SLC9A5: variants seen among roughly 807,000 people sequenced by gnomAD.
SLC9A5 encodes the protein solute carrier family 9 member A5.
A neutral mutation model predicts 91.7 loss-of-function variants in SLC9A5; 52 were observed. That is an observed-to-expected ratio of 0.57 (90% CI 0.45 to 0.71). The LOEUF (loss-of-function observed/expected upper bound fraction) is 0.71. SLC9A5 is among the 30% of genes least tolerant of loss of function. The probability of loss-of-function intolerance (pLI) is 0.00; values close to 1 mark genes in which losing one functional copy is unlikely to be tolerated. For synonymous variants in SLC9A5, 419 were observed against 474.5 expected, an observed-to-expected ratio of 0.88 and a Z score of 1.52; for missense variants, 871 against 1,158.9, an observed-to-expected ratio of 0.75 and a Z score of 3.61.
chr16:67,259,090 C>G (rs1397387454), intron 10 of SLC9A5, among the ~76,000 whole-genome samples: 1 of 151,910 alleles, frequency 6.6e-6, no homozygotes, highest in Non-Finnish European at 1.5e-5. Context: ...GAAACCCCGT[C>G]TCTACTAAAA....
At chr16:67,251,762 C>T (rs538377786) in intron 1 of SLC9A5, among the ~76,000 whole-genome samples, 1 of 152,068 alleles carries the variant, frequency 6.6e-6, no homozygotes, top group Non-Finnish European at 1.5e-5. Context: ...AGATCATTAT[C>T]GTTTTTACTC....
At chr16:67,267,732 G>A (rs1204019805) in intron 15 of SLC9A5, among the ~76,000 whole-genome samples, 2 of 152,278 alleles carry the variant, frequency 1.3e-5, no homozygotes, top group Admixed American at 1.3e-4. Flanking sequence ...TATGTATAGA[G>A]ACCTAATTCA....
Position 67,271,144 on chromosome 16 carries a change from C to A in SLC9A5, c.2625C>A (p.Thr875=). The A allele has an allele frequency of 6.2e-7, 1 of 1,613,460 alleles. No individual in the cohort carries two copies. The change falls in exon 16 of 16, where the codon ACC becomes ACA. Residue 875 remains threonine, a synonymous_variant. Coordinates refer to ENST00000299798, the MANE Select transcript of SLC9A5 (RefSeq NM_004594.3). ...CCCTCATGGGCCACAAGGACCACAC[C>A]CATCTCAGCCCAGGCACCGCTACCT... ...LQPLMGHKDH[T]HLSPGTATSH...
At chr16:67,261,591 T>G (rs1312631143) in intron 12 of SLC9A5, 2 of 152,218 alleles carry the variant, frequency 1.3e-5, no homozygotes, top group Non-Finnish European at 2.9e-5. Flanking sequence ...TAAATATCTT[T>G]TCCCCGCTGG....
chr16:67,249,439 C>G (rs575169785), intron 1 of SLC9A5, among the ~76,000 whole-genome samples: 16 of 152,344 alleles, frequency 1.1e-4, no homozygotes, highest in Admixed American at 9.8e-4. Flanking sequence ...GTCCCCCGCT[C>G]TCCCCAACTC....
In SLC9A5 at chr16:67,249,217, C is replaced by T. The variant is rs1268474116; in HGVS notation, c.187+16C>T. 3 of 1,424,830 alleles carry T rather than the reference C, an allele frequency of 2.1e-6. No individual in the cohort carries two copies. Among genetic ancestry groups the T allele is most frequent in the Non-Finnish European group, 2.8e-6 (3 of 1,089,492 alleles). 88.3% of individuals were successfully genotyped at this position (1,424,830 alleles called of 1,614,324 possible). ...GCCAAAATCGGTGAGTGCGTGTGTGCGTGCGCCAGGCCGACCGCCAGCGGC... is the reference window on the plus strand; with the variant it reads ...GCCAAAATCGGTGAGTGCGTGTGTGTGTGCGCCAGGCCGACCGCCAGCGGC... On this transcript the variant is annotated intron_variant, in intron 1 of 15. Transcript: ENST00000299798.
intron 2 of SLC9A5, among the ~76,000 whole-genome samples, chr16:67,253,106 C>T (rs954308142): frequency 6.6e-6 from 1 of 152,196 alleles, no homozygotes; most frequent in African/African-American, 2.4e-5. Context: ...CCTGTGTTAC[C>T]ATTCTGTTGC....
At chr16:67,253,743 G>A (rs920430693) in intron 2 of SLC9A5, among the ~76,000 whole-genome samples, 1 of 152,158 alleles carries the variant, frequency 6.6e-6, no homozygotes, top group Non-Finnish European at 1.5e-5. Context: ...GGCTGGTCTT[G>A]AACTGCTGAG....
At position 67,268,920 on chromosome 16, in the gene SLC9A5, C is replaced by A. The variant is rs559136815; in HGVS notation, c.2219-1818C>A. Among the ~76,000 whole-genome samples, 4 of 151,234 alleles carry A rather than the reference C, an allele frequency of 2.6e-5. No individual in the cohort carries two copies. In the East Asian group the frequency reaches 5.9e-4, roughly 22 times the overall value. ...CCTACAATGAACAGGACAACCCTCA[C>A]CAGCAAAGGAGTAGCTGTCCCAAAA... On this transcript the variant is annotated intron_variant, in intron 15 of 15. Transcript: ENST00000299798.
intron 15 of SLC9A5, among the ~76,000 whole-genome samples, chr16:67,268,033 A>C (rs942633109): frequency 2.0e-5 from 3 of 152,090 alleles, no homozygotes; most frequent in Admixed American, 2.0e-4. Flanking sequence ...TTTTCTTTCA[A>C]GATGGTCTCT....
At chr16:67,260,054 G>C in intron 12 of SLC9A5, 108 bp downstream of exon 12, 1 of 1,458,560 alleles carries the variant, frequency 6.9e-7, no homozygotes, top group East Asian at 2.4e-5. Context: ...CCCAGCTAAA[G>C]AGTGTGGGTT....
Position 67,258,371 on chromosome 16 carries a change from C to T in SLC9A5, c.1550C>T (p.Ala517Val), listed in dbSNP as rs762992042. 6.2e-7 allele frequency: 1 copy of T among 1,614,104 alleles called. No homozygotes were observed. Among genetic ancestry groups the T allele is most frequent in the Non-Finnish European group, 8.5e-7 (1 of 1,179,974 alleles). The change falls in exon 10 of 16, where the codon GCC becomes GTC. Residue 517 changes from alanine to valine, a missense_variant. Around this residue, in one of 3 missense-constraint regions of SLC9A5, gnomAD observed 454 missense variants for 718.3 expected, o/e 0.63. Coordinates refer to ENST00000299798, the MANE Select transcript of SLC9A5 (RefSeq NM_004594.3). This position sits in a 1 kb window ranked among gnomAD's most constrained non-coding sequence, Gnocchi z 4.5. ...YLSQLLMRRSAYRIRDQIWDV... is the reference protein window; with the variant it reads ...YLSQLLMRRSVYRIRDQIWDV... ...AGTCAGCTGCTGATGCGACGATCAGCCTACCGCATCCGGGACCAGATCTGG... is the reference window on the plus strand; with the variant it reads ...AGTCAGCTGCTGATGCGACGATCAGTCTACCGCATCCGGGACCAGATCTGG...
Position 67,252,556 on chromosome 16 carries a change from C to G in SLC9A5, c.202C>G (p.Arg68Gly), listed in dbSNP as rs61743934. The G allele has an allele frequency of 5.0e-6, 8 of 1,612,268 alleles. No homozygotes were observed. The African/African-American group carries it at 5.3e-5, about 11-fold the overall frequency. The change falls in exon 2 of 16, where the codon CGG becomes GGG. Residue 68 changes from arginine to glycine, a missense_variant. Physicochemically the swap from Arg to Gly is moderately radical, Grantham distance 125. Around this residue, in one of 3 missense-constraint regions of SLC9A5, gnomAD observed 122 missense variants for 114.5 expected, o/e 1.07. Coordinates refer to ENST00000299798, the MANE Select transcript of SLC9A5 (RefSeq NM_004594.3). This position sits in a 1 kb window ranked among gnomAD's most constrained non-coding sequence, Gnocchi z 4.0. ...TTGCATTGCAGTGTTTCACCTGTCT[C>G]GGAAAGTAACATCTCTGGTCCCTGA... ...SLAKIVFHLS[R>G]KVTSLVPESC...
At position 67,255,870 on chromosome 16, in the gene SLC9A5, TCCTCCTCGCCTA is replaced by T. The variant is rs2035297942; in HGVS notation, c.853_864del (p.Leu285_Tyr288del). The T allele has an allele frequency of 6.2e-7, 1 of 1,613,584 alleles. No homozygotes were observed. The highest frequency in any genetic ancestry group is 1.1e-5 in the South Asian group (1 of 90,944). ...CGCATCATCGAGCCGCTGCTGGTCT[TCCTCCTCGCCTA>T]CGCAGCCTACCTCACTGCTGAAATG... is the stretch of plus-strand genomic sequence containing the variant. On this transcript the variant is annotated inframe_deletion, in exon 5 of 16. Coordinates refer to ENST00000299798, the MANE Select transcript of SLC9A5 (RefSeq NM_004594.3). This position sits in a 1 kb window ranked among gnomAD's most constrained non-coding sequence, Gnocchi z 4.9.
intron 15 of SLC9A5, among the ~76,000 whole-genome samples, chr16:67,267,576 G>T (rs774228700): frequency 1.3e-5 from 2 of 152,178 alleles, no homozygotes; most frequent in Non-Finnish European, 2.9e-5. Context: ...GGAATAGGAG[G>T]TGGTGAGCAA....
chr16:67,251,078 C>T (rs1169728586), intron 1 of SLC9A5, among the ~76,000 whole-genome samples: 1 of 152,094 alleles, frequency 6.6e-6, no homozygotes, highest in Non-Finnish European at 1.5e-5. Context: ...TTATCCTCAC[C>T]CTTGATGCTG....
Position 67,255,244 on chromosome 16 carries a change from G to A in SLC9A5, c.654+60G>A. 6.3e-7 allele frequency: 1 copy of A among 1,579,918 alleles called. No individual in the cohort carries two copies. Among genetic ancestry groups the A allele is most frequent in the Non-Finnish European group, 8.6e-7 (1 of 1,156,986 alleles). On this transcript the variant is annotated intron_variant, in intron 3 of 15. Transcript: ENST00000299798. The surrounding 1 kb of genome is among the most constrained non-coding windows in gnomAD (Gnocchi z 4.9). ...CCAGGCTGCATGCTCTGACCAACTAGGGGTCTGCGCAGACTCAGTCCCTTC... is the reference window on the plus strand; with the variant it reads ...CCAGGCTGCATGCTCTGACCAACTAAGGGTCTGCGCAGACTCAGTCCCTTC...
rs1195575333 is a variant in SLC9A5 at position 67,265,899 on chromosome 16, G to A, written c.2081-189G>A. On this transcript the variant is annotated intron_variant, in intron 14 of 15. Transcript: ENST00000299798. Reference sequence around the variant, plus strand: ...TCCTCTGGTCGCTTCCTTGGGCTCCGCAATGTCAGTTCTCTTCCTCCCAAG... The same window carrying A: ...TCCTCTGGTCGCTTCCTTGGGCTCCACAATGTCAGTTCTCTTCCTCCCAAG... Among the ~76,000 whole-genome samples the A allele has an allele frequency of 2.0e-5, 3 of 152,248 alleles. No homozygotes were observed. The East Asian group carries it at 5.8e-4, about 29-fold the overall frequency.
In SLC9A5 at chr16:67,255,664, T is replaced by C; in HGVS notation, c.734-89T>C. The C allele has an allele frequency of 7.5e-7, 1 of 1,328,592 alleles. No homozygotes were observed. The highest frequency in any genetic ancestry group is 1.0e-6 in the Non-Finnish European group (1 of 975,806). The allele number at this position is 1,328,592 out of a possible 1,614,324, so 82.3% of individuals were successfully genotyped here. A position where few individuals can be genotyped will look rare whatever the true frequency, so the allele number is the denominator to read the frequency against. On this transcript the variant is annotated intron_variant, in intron 4 of 15. Transcript: ENST00000299798. The surrounding 1 kb of genome is among the most constrained non-coding windows in gnomAD (Gnocchi z 4.9). The stretch of plus-strand genomic sequence containing the variant: ...TGAGCCCCTGGGAGTGCGGTGGGCA[T>C]CATCCCTCACTCCCTGCCAGGCAGC...
Sources: gnomAD v4.1 joint callset for allele counts (sites outside exome capture counted in the v4.1 genomes callset) on GRCh38, gnomAD v4.1.1 for gene constraint, gnomAD v4.1.1 regional missense constraint, Gnocchi (gnomAD v3.1) non-coding constraint, MANE v1.5 for transcripts, NCBI Gene and HGNC (gene_info 2026-07-23, HGNC 2026-07-21) for gene names.